Variants in ZNF618 observed in about 807,000 individuals in gnomAD.
ZNF618 encodes zinc finger protein 618.
In ZNF618, 34 loss-of-function variants were observed where a neutral mutation model predicts 103.0. That is an observed-to-expected ratio of 0.33 (90% CI 0.25 to 0.44). ZNF618 has a LOEUF of 0.44. ZNF618 is among the 20% of genes least tolerant of loss of function. ZNF618 has a pLI of 1.00. For synonymous variants in ZNF618, 551 were observed against 542.2 expected, an observed-to-expected ratio of 1.02 and a Z score of -0.23; for missense variants, 1,059 against 1,295.4, an observed-to-expected ratio of 0.82 and a Z score of 2.80.
In ZNF618 at chr9:114,055,751, CAAAA is replaced by C. The variant is rs1161562929; in HGVS notation, c.*5589_*5592del. The C allele has an allele frequency of 6.6e-6, 1 of 150,564 alleles. No individual in the cohort carries two copies. The highest frequency in any genetic ancestry group is 1.5e-5 in the Non-Finnish European group (1 of 67,528). The allele number at this position is 150,564 out of a possible 1,614,324, so 9.3% of individuals were successfully genotyped here. A position where few individuals can be genotyped will look rare whatever the true frequency, so the allele number is the denominator to read the frequency against. On this transcript the variant is annotated 3_prime_UTR_variant, in exon 15 of 15. Transcript: ENST00000374126. ...AAAAAAATTTACAAAAAAACAAACA[CAAAA>C]AAAATATCTTTTTTAGGCCAGAGTT...
intron 1 of ZNF618, among the ~76,000 whole-genome samples, chr9:113,954,591 C>T (rs886882497): frequency 6.6e-6 from 1 of 152,158 alleles, no homozygotes; most frequent in African/African-American, 2.4e-5. Flanking sequence ...GGACTGGACT[C>T]AGGTGGACTC....
At chr9:114,016,888 A>C (rs1341716789) in intron 10 of ZNF618, 104 bp downstream of exon 10, 1 of 836,648 alleles carries the variant, frequency 1.2e-6, no homozygotes, top group Non-Finnish European at 1.9e-6. Context: ...GGTGAAAGCA[A>C]GGTGAGCTCA....
chr9:113,990,908 C>T (rs1316340028), intron 3 of ZNF618, among the ~76,000 whole-genome samples: 1 of 152,186 alleles, frequency 6.6e-6, no homozygotes, highest in Non-Finnish European at 1.5e-5. Context: ...TCCCTGAGGC[C>T]AGGGACTGTG....
At chr9:113,943,740 G>C (rs186273223) in intron 1 of ZNF618, among the ~76,000 whole-genome samples, 5 of 152,206 alleles carry the variant, frequency 3.3e-5, no homozygotes, top group Admixed American at 3.3e-4. Flanking sequence ...CCTGTTTAGG[G>C]ACTAGAGAGA....
intron 1 of ZNF618, among the ~76,000 whole-genome samples, chr9:113,962,235 CTCTT>C (rs985940075): frequency 1.3e-5 from 2 of 152,186 alleles, no homozygotes; most frequent in Admixed American, 6.5e-5. Context: ...TCTTCCTTGA[CTCTT>C]TCTTTATGTC....
At chr9:113,890,971 A>G (rs1480653650) in intron 1 of ZNF618, among the ~76,000 whole-genome samples, 1 of 152,014 alleles carries the variant, frequency 6.6e-6, no homozygotes, top group African/African-American at 2.4e-5. Context: ...TTTCCTTTAC[A>G]TTTTTAAAGA....
At chr9:113,908,499 A>AT (rs202235118) in intron 1 of ZNF618, among the ~76,000 whole-genome samples, 2 of 151,418 alleles carry the variant, frequency 1.3e-5, no homozygotes, top group Non-Finnish European at 1.5e-5. Flanking sequence ...TATGTTATAC[A>AT]TTTTTTTTTG....
chr9:114,002,365 C>T (rs1394463879), intron 5 of ZNF618, among the ~76,000 whole-genome samples: 1 of 152,226 alleles, frequency 6.6e-6, no homozygotes, highest in Non-Finnish European at 1.5e-5. Flanking sequence ...CATCACTGCT[C>T]AGTGTCAGTG....
intron 6 of ZNF618, among the ~76,000 whole-genome samples, chr9:114,004,865 C>T (rs1271003178): frequency 2.6e-5 from 4 of 152,226 alleles, no homozygotes; most frequent in Non-Finnish European, 5.9e-5. Context: ...AGGTCTCACA[C>T]ATTCTATTAA....
At position 114,052,686 on chromosome 9, in the gene ZNF618, A is replaced by T. The variant is rs1034343541; in HGVS notation, c.*2519A>T. 1 of 152,234 alleles carries T rather than the reference A, an allele frequency of 6.6e-6. No homozygotes were observed. The highest frequency in any genetic ancestry group is 2.4e-5 in the African/African-American group (1 of 41,450). 9.4% of individuals were successfully genotyped at this position (152,234 alleles called of 1,614,324 possible). On this transcript the variant is annotated 3_prime_UTR_variant, in exon 15 of 15. Coordinates refer to ENST00000374126, the MANE Select transcript of ZNF618 (RefSeq NM_001318042.2). ...ATAGGAGCTGCCTACTTTGTGTGGT[A>T]GGTGAGAGCAGAGCCTGGGAGCCCA...
intron 1 of ZNF618, among the ~76,000 whole-genome samples, chr9:113,935,229 C>T (rs1833929311): frequency 1.3e-5 from 2 of 152,196 alleles, no homozygotes; most frequent in South Asian, 4.1e-4. Context: ...CTCCTGATGA[C>T]CTCTCTGGGT....
In ZNF618 at chr9:114,050,511, G is replaced by A. The variant is rs538640858; in HGVS notation, c.*344G>A. ...CGTGTACATACGCCTGTGCTTGGAC[G>A]GGTGTGCATTGAACTGGGCGTGTCA... On this transcript the variant is annotated 3_prime_UTR_variant, in exon 15 of 15. Transcript: ENST00000374126. 4.7e-5 allele frequency: 9 copies of A among 193,110 alleles called. No homozygotes were observed. In the East Asian group the frequency reaches 5.4e-4, roughly 12 times the overall value. The allele number at this position is 193,110 out of a possible 1,614,324, so 12.0% of individuals were successfully genotyped here.
intron 12 of ZNF618, 35 bp downstream of exon 12, chr9:114,032,763 A>G: frequency 6.3e-7 from 1 of 1,598,870 alleles, no homozygotes; most frequent in Non-Finnish European, 8.6e-7. Flanking sequence ...CCTGTGCGGT[A>G]GCTGCCAGCT....
At chr9:113,879,421 T>A (rs1828295795) in intron 1 of ZNF618, among the ~76,000 whole-genome samples, 1 of 141,500 alleles carries the variant, frequency 7.1e-6, no homozygotes, top group Non-Finnish European at 1.5e-5. Context: ...TTTAAATTGG[T>A]TATTCTGATC....
chr9:113,973,113 T>C (rs1838147220), intron 2 of ZNF618, among the ~76,000 whole-genome samples: 1 of 152,168 alleles, frequency 6.6e-6, no homozygotes, highest in Non-Finnish European at 1.5e-5. Context: ...GTGGTGGCCT[T>C]AGCTGACACC....
At chr9:113,974,273 G>A (rs1261772727) in intron 2 of ZNF618, among the ~76,000 whole-genome samples, 1 of 152,228 alleles carries the variant, frequency 6.6e-6, no homozygotes, top group African/African-American at 2.4e-5. Context: ...AGTTGTGGGG[G>A]CCGAAGCAGG....
chr9:113,988,242 C>A, intron 2 of ZNF618, 79 bp from the exon 3 acceptor site: 8 of 1,511,768 alleles, frequency 5.3e-6, no homozygotes, highest in Non-Finnish European at 7.1e-6. Flanking sequence ...CCTGGCATGT[C>A]CCTGTGGTGC....
At chr9:114,027,898 C>G (rs1414846621) in intron 10 of ZNF618, 3 of 152,480 alleles carry the variant, frequency 2.0e-5, no homozygotes, top group Admixed American at 6.5e-5. Context: ...TTCCTGCCCT[C>G]AGGGAGAGTT....
chr9:114,008,492 G>T lies in ZNF618; in HGVS notation c.692G>T (p.Gly231Val). 1 of 1,613,946 alleles carries T rather than the reference G, an allele frequency of 6.2e-7. No individual in the cohort carries two copies. Among genetic ancestry groups the T allele is most frequent in the Admixed American group, 1.7e-5 (1 of 60,022 alleles). ...TCTCCCACAGACCCCTTCGACCAAG[G>T]TGTCGTGGCCACGGACGAGGTGAAG... is the stretch of plus-strand genomic sequence containing the variant. ...PENRADPFDQ[G>V]VVATDEVKEE... The change falls in exon 9 of 15, where the codon GGT becomes GTT. Residue 231 changes from glycine (G) to valine (V), a missense_variant. Around this residue, in one of 6 missense-constraint regions of ZNF618, gnomAD observed 434 missense variants for 476.0 expected, o/e 0.91. Transcript: ENST00000374126.
Sources: allele counts gnomAD v4.1 joint callset (sites outside exome capture counted in the v4.1 genomes callset), GRCh38; gene constraint gnomAD v4.1.1; regional missense constraint gnomAD v4.1.1; transcripts MANE v1.5; gene names NCBI Gene and HGNC (gene_info 2026-07-23, HGNC 2026-07-21).